The following CNOT6 variants were observed in gnomAD, a reference collection of about 807,000 sequenced individuals.
CNOT6 encodes carbon catabolite repression 4 protein.
A neutral mutation model predicts 61.2 loss-of-function variants in CNOT6; 12 were observed. The observed-to-expected ratio is 0.20, with a 90% CI of 0.13 to 0.32. The LOEUF is 0.32. CNOT6 is among the 10% of genes least tolerant of loss of function. CNOT6 has a pLI of 1.00. For synonymous variants in CNOT6, 225 were observed against 240.6 expected, an observed-to-expected ratio of 0.94 and a Z score of 0.60; for missense variants, 405 against 663.9, an observed-to-expected ratio of 0.61 and a Z score of 4.28.
intron 1 of CNOT6, among the ~76,000 whole-genome samples, chr5:180,525,671 CA>C (rs1758067883): frequency 6.6e-6 from 1 of 152,106 alleles, no homozygotes; most frequent in Admixed American, 6.6e-5. Flanking sequence ...TAACAGTGGG[CA>C]AATTGCTTAA....
At chr5:180,507,558 C>T (rs956911425) in intron 1 of CNOT6, among the ~76,000 whole-genome samples, 12 of 152,260 alleles carry the variant, frequency 7.9e-5, no homozygotes, top group African/African-American at 2.9e-4. Context: ...ACCGTGGTCA[C>T]GCCATTGCAC....
At chr5:180,509,566 G>A (rs1581474496) in intron 1 of CNOT6, among the ~76,000 whole-genome samples, 1 of 151,674 alleles carries the variant, frequency 6.6e-6, no homozygotes. Flanking sequence ...ACAGGCATGC[G>A]CCACCACACC....
At chr5:180,532,308 A>G (rs995279428) in intron 2 of CNOT6, among the ~76,000 whole-genome samples, 3 of 152,038 alleles carry the variant, frequency 2.0e-5, no homozygotes, top group African/African-American at 7.2e-5. Flanking sequence ...AGTGTCCCCT[A>G]TCTTACAGCA....
At chr5:180,525,832 C>G (rs545795295) in intron 1 of CNOT6, among the ~76,000 whole-genome samples, 8 of 152,168 alleles carry the variant, frequency 5.3e-5, no homozygotes, top group Admixed American at 5.2e-4. Context: ...CGGGGGCGAT[C>G]ATCTATATCA....
chr5:180,498,292 C>G (rs1412519924), intron 1 of CNOT6, among the ~76,000 whole-genome samples: 1 of 152,106 alleles, frequency 6.6e-6, no homozygotes, highest in Non-Finnish European at 1.5e-5. Flanking sequence ...TATGTACTGG[C>G]CATAGTGTTT....
chr5:180,513,923 C>T (rs975158550), intron 1 of CNOT6, among the ~76,000 whole-genome samples: 6 of 147,998 alleles, frequency 4.1e-5, no homozygotes, highest in Non-Finnish European at 6.0e-5. Flanking sequence ...CAGATGGTCT[C>T]GATCTCCTGA....
At chr5:180,501,317 AAG>A (rs1178443204) in intron 1 of CNOT6, among the ~76,000 whole-genome samples, 1 of 152,200 alleles carries the variant, frequency 6.6e-6, no homozygotes, top group Non-Finnish European at 1.5e-5. Flanking sequence ...AAAAATAGGA[AAG>A]AGTTGAGTAT....
intron 4 of CNOT6, among the ~76,000 whole-genome samples, chr5:180,564,248 C>T (rs1334361349): frequency 1.3e-5 from 2 of 152,176 alleles, no homozygotes; most frequent in African/African-American, 4.8e-5. Flanking sequence ...ATATAGAGCA[C>T]TGCTAGTGCA....
chr5:180,532,470 G>A (rs1172044259), intron 2 of CNOT6, among the ~76,000 whole-genome samples: 1 of 152,122 alleles, frequency 6.6e-6, no homozygotes, highest in African/African-American at 2.4e-5. Context: ...TTGGGAAGAA[G>A]TTCTGTATAC....
chr5:180,548,287 C>G (rs748421652), intron 2 of CNOT6, among the ~76,000 whole-genome samples: 35 of 152,222 alleles, frequency 2.3e-4, no homozygotes, highest in Non-Finnish European at 4.6e-4. Flanking sequence ...GGAACGAAGT[C>G]TAGCCTCAGT....
chr5:180,566,744 C>T (rs983159129), intron 7 of CNOT6, among the ~76,000 whole-genome samples: 1 of 149,758 alleles, frequency 6.7e-6, no homozygotes, highest in Non-Finnish European at 1.5e-5. Context: ...ACTGCAACCT[C>T]CGCCTCCTGG....
At chr5:180,564,768 T>C in intron 6 of CNOT6, 25 bp downstream of exon 6, 2 of 1,553,906 alleles carry the variant, frequency 1.3e-6, no homozygotes, top group Non-Finnish European at 1.8e-6. Flanking sequence ...ATTTTTTAAC[T>C]GTTATTTTTG....
chr5:180,524,873 C>T (rs1426641605), intron 1 of CNOT6, among the ~76,000 whole-genome samples: 1 of 152,204 alleles, frequency 6.6e-6, no homozygotes, highest in Non-Finnish European at 1.5e-5. Context: ...CAGATAGTTA[C>T]TTTGTAAGTG....
intron 4 of CNOT6, among the ~76,000 whole-genome samples, chr5:180,563,976 G>A (rs1760322283): frequency 6.6e-6 from 1 of 152,110 alleles, no homozygotes; most frequent in Admixed American, 6.6e-5. Flanking sequence ...AGCCAAGTCA[G>A]CCCCATTTTG....
chr5:180,511,680 G>A (rs1319404573), intron 1 of CNOT6, among the ~76,000 whole-genome samples: 1 of 151,950 alleles, frequency 6.6e-6, no homozygotes, highest in Admixed American at 6.6e-5. Flanking sequence ...TGGGAGGACC[G>A]CTTGAGCCTG....
chr5:180,504,298 T>C (rs1224238374), intron 1 of CNOT6, among the ~76,000 whole-genome samples: 1 of 152,238 alleles, frequency 6.6e-6, no homozygotes, highest in Non-Finnish European at 1.5e-5. Flanking sequence ...CTTGATGCTT[T>C]GTAAGGTCAA....
Position 180,571,288 on chromosome 5 carries a change from GT to G in CNOT6, c.1319del (p.Leu440Ter). ...AAACAAATCACAAAGACTTTAAGGA[GT>G]TGAGGTATAATGAAAGTCTCACAAA... Reference protein sequence around the residue: ...VETNHKDFKELRYNESLTNFS... With the variant: ...VETNHKDFKEXRYNESLTNFS... On this transcript the variant is annotated frameshift_variant, in exon 11 of 12. Transcript: ENST00000261951. LOFTEE classifies it high-confidence loss of function. The G allele has an allele frequency of 6.2e-7, 1 of 1,614,120 alleles. No homozygotes were observed. The highest frequency in any genetic ancestry group is 1.1e-5 in the South Asian group (1 of 91,088).
At chr5:180,535,886 T>C (rs1758661522) in intron 2 of CNOT6, among the ~76,000 whole-genome samples, 2 of 152,168 alleles carry the variant, frequency 1.3e-5, no homozygotes, top group African/African-American at 4.8e-5. Context: ...GGTTTTAATT[T>C]GCATTTCTCT....
chr5:180,530,199 C>T (rs1051037314), intron 2 of CNOT6, among the ~76,000 whole-genome samples: 2 of 152,164 alleles, frequency 1.3e-5, no homozygotes, highest in African/African-American at 4.8e-5. Flanking sequence ...ACCTGACCGC[C>T]CTTGATTTTT....
Sources: allele counts gnomAD v4.1 joint callset (sites outside exome capture counted in the v4.1 genomes callset), GRCh38; gene constraint gnomAD v4.1.1; transcripts MANE v1.5; gene names NCBI Gene and HGNC (gene_info 2026-07-23, HGNC 2026-07-21).